SLC35F4: variants seen among roughly 807,000 people sequenced by gnomAD.
The protein encoded by SLC35F4 is solute carrier family 35 member F4.
Under a neutral mutation model 44.2 loss-of-function variants are expected in SLC35F4, and 24 were observed. The ratio of observed to expected loss-of-function variants is 0.54; its 90% CI spans 0.39 to 0.76. SLC35F4 has a LOEUF of 0.76. Ranked by LOEUF, SLC35F4 falls within the 30% of genes least tolerant of loss-of-function variation. The probability of loss-of-function intolerance (pLI) is 0.00; values close to 1 mark genes in which losing one functional copy is unlikely to be tolerated. For missense variants in SLC35F4, 562 were observed against 586.1 expected (o/e 0.96, Z 0.42); for synonymous variants, 238 against 223.6 (o/e 1.06, Z -0.57).
At chr14:57,943,801 C>T (rs1430737282) in intron 1 of SLC35F4, among the ~76,000 whole-genome samples, 2 of 152,168 alleles carry the variant, frequency 1.3e-5, no homozygotes, top group Non-Finnish European at 1.5e-5. Flanking sequence ...AGAAAATATC[C>T]CCAGTGGTCC....
At chr14:57,653,142 ATTACT>A (rs1197871108) in intron 1 of SLC35F4, among the ~76,000 whole-genome samples, 3 of 152,320 alleles carry the variant, frequency 2.0e-5, no homozygotes, top group African/African-American at 7.2e-5. Flanking sequence ...ATTTACAAAG[ATTACT>A]TTATAAGGTC....
intron 1 of SLC35F4, among the ~76,000 whole-genome samples, chr14:57,819,293 C>A (rs1250544743): frequency 6.6e-6 from 1 of 151,892 alleles, no homozygotes; most frequent in Non-Finnish European, 1.5e-5. Context: ...AAAGATATGT[C>A]ATATGGAGAA....
At chr14:57,846,455 A>C (rs959322268) in intron 1 of SLC35F4, among the ~76,000 whole-genome samples, 1 of 152,194 alleles carries the variant, frequency 6.6e-6, no homozygotes, top group African/African-American at 2.4e-5. Context: ...CCCTGAATGA[A>C]ATAACAGTCG....
chr14:57,676,824 C>T (rs2074711416), intron 1 of SLC35F4, among the ~76,000 whole-genome samples: 1 of 151,992 alleles, frequency 6.6e-6, no homozygotes, highest in Non-Finnish European at 1.5e-5. Context: ...GGAATGTAAA[C>T]TAGTACAACC....
intron 1 of SLC35F4, among the ~76,000 whole-genome samples, chr14:57,857,224 C>T (rs534458305): frequency 6.6e-5 from 10 of 151,898 alleles, no homozygotes; most frequent in African/African-American, 2.2e-4. Flanking sequence ...TTGCAGTGAG[C>T]CAAGATCATG....
intron 1 of SLC35F4, among the ~76,000 whole-genome samples, chr14:57,936,067 T>C (rs1018137732): frequency 2.6e-5 from 4 of 152,194 alleles, no homozygotes; most frequent in African/African-American, 7.2e-5. Flanking sequence ...CAGACCTCAA[T>C]TTAAGCCTTC....
intron 1 of SLC35F4, among the ~76,000 whole-genome samples, chr14:57,699,619 ATC>A (rs1438170114): frequency 6.6e-6 from 1 of 152,202 alleles, no homozygotes; most frequent in Non-Finnish European, 1.5e-5. Context: ...CAAATGTGCA[ATC>A]TCTCCAGGGA....
At chr14:57,571,490 A>C (rs1566626928) in intron 5 of SLC35F4, among the ~76,000 whole-genome samples, 1 of 152,202 alleles carries the variant, frequency 6.6e-6, no homozygotes, top group African/African-American at 2.4e-5. Context: ...TAAATTAAAA[A>C]ACACAGGGAG....
chr14:57,652,810 T>C (rs1364019006), intron 1 of SLC35F4, among the ~76,000 whole-genome samples: 1 of 152,210 alleles, frequency 6.6e-6, no homozygotes, highest in Non-Finnish European at 1.5e-5. Context: ...AAATCTCTTC[T>C]CTGATGAGGC....
At chr14:57,825,830 AAGG>A (rs1447376679) in intron 1 of SLC35F4, among the ~76,000 whole-genome samples, 1 of 152,190 alleles carries the variant, frequency 6.6e-6, no homozygotes, top group Non-Finnish European at 1.5e-5. Flanking sequence ...GGACCTCTTC[AAGG>A]AGAACTACCT....
chr14:57,683,899 T>C (rs2074986236), intron 1 of SLC35F4, among the ~76,000 whole-genome samples: 1 of 152,058 alleles, frequency 6.6e-6, no homozygotes, highest in Non-Finnish European at 1.5e-5. Flanking sequence ...AAGGGCAGAA[T>C]GTTCCTACAT....
intron 1 of SLC35F4, among the ~76,000 whole-genome samples, chr14:57,697,621 A>G (rs2075419922): frequency 6.6e-6 from 1 of 151,870 alleles, no homozygotes. Flanking sequence ...GAATCGCTTG[A>G]GCCCAGGAAG....
At chr14:57,951,382 G>C (rs549037038) in intron 1 of SLC35F4, among the ~76,000 whole-genome samples, 1 of 152,258 alleles carries the variant, frequency 6.6e-6, no homozygotes, top group Admixed American at 6.5e-5. Flanking sequence ...CACCGAGCTA[G>C]CTGGAGTTTT....
At position 57,816,871 on chromosome 14, in the gene SLC35F4, A is replaced by C. The variant is rs571495297; in HGVS notation, c.103+48852T>G. ...AGCTGCCCACAACAGTGACTACTTG[A>C]TAATAAACCTTTCATTTGCCTTTCC... On this transcript the variant is annotated intron_variant, in intron 1 of 7. Coordinates refer to ENST00000556826, the MANE Select transcript of SLC35F4 (RefSeq NM_001306087.2). Among the ~76,000 whole-genome samples the C allele has an allele frequency of 3.9e-5, 6 of 152,264 alleles. No homozygotes were observed. The South Asian group carries it at 6.2e-4, about 16-fold the overall frequency.
At chr14:57,727,892 AGTTCCATTT>A (rs1219050229) in intron 1 of SLC35F4, among the ~76,000 whole-genome samples, 2 of 152,214 alleles carry the variant, frequency 1.3e-5, no homozygotes, top group African/African-American at 4.8e-5. Flanking sequence ...AATATCTATT[AGTTCCATTT>A]GTTCCACAGT....
chr14:57,816,832 C>T (rs915155139), intron 1 of SLC35F4, among the ~76,000 whole-genome samples: 1 of 152,192 alleles, frequency 6.6e-6, no homozygotes, highest in Admixed American at 6.5e-5. Flanking sequence ...ACACAGGAGG[C>T]ATGATTGAGT....
At chr14:57,789,118 C>G (rs1595066727) in intron 1 of SLC35F4, among the ~76,000 whole-genome samples, 1 of 151,738 alleles carries the variant, frequency 6.6e-6, no homozygotes, top group Non-Finnish European at 1.5e-5. Context: ...CAAAGAAATT[C>G]AAAAGCTAGC....
chr14:57,896,818 G>A (rs1272378183), intron 1 of SLC35F4, among the ~76,000 whole-genome samples: 1 of 152,128 alleles, frequency 6.6e-6, no homozygotes, highest in Admixed American at 6.6e-5. Context: ...TGCCTAAAGA[G>A]GTTGACAAGA....
At chr14:57,655,610 G>A (rs1469365379) in intron 1 of SLC35F4, among the ~76,000 whole-genome samples, 1 of 152,044 alleles carries the variant, frequency 6.6e-6, no homozygotes, top group African/African-American at 2.4e-5. Flanking sequence ...GTACCACCCA[G>A]CACTGCAGCT....
Sources: allele counts gnomAD v4.1 joint callset (sites outside exome capture counted in the v4.1 genomes callset), GRCh38; gene constraint gnomAD v4.1.1; transcripts MANE v1.5; gene names NCBI Gene and HGNC (gene_info 2026-07-23, HGNC 2026-07-21).